LAMB4: variants seen among roughly 807,000 people sequenced by gnomAD.
LAMB4 encodes the protein laminin subunit beta 4.
LAMB4 carries 196 observed loss-of-function variants against 199.2 expected under a neutral mutation model. That is an observed-to-expected ratio of 0.98 (90% confidence interval 0.88 to 1.11). The LOEUF is 1.11. LAMB4 is among the 50% of genes least tolerant of loss of function. The probability of loss-of-function intolerance (pLI) is 0.00; values close to 1 mark genes in which losing one functional copy is unlikely to be tolerated. For missense variants in LAMB4, 2,080 were observed against 2,171.2 expected, an observed-to-expected ratio of 0.96 and a Z score of 0.83; for synonymous variants, 744 against 770.6, an observed-to-expected ratio of 0.97 and a Z score of 0.57.
intron 3 of LAMB4, among the ~76,000 whole-genome samples, chr7:108,113,044 A>T (rs895460308): frequency 6.6e-5 from 10 of 152,180 alleles, no homozygotes; most frequent in Non-Finnish European, 1.5e-4. Context: ...TCTTCCTCCC[A>T]GCTAGTCTTA....
At chr7:108,078,390 T>A in intron 15 of LAMB4, 74 bp from the exon 16 acceptor site, 1 of 915,082 alleles carries the variant, frequency 1.1e-6, no homozygotes, top group Non-Finnish European at 1.7e-6. Flanking sequence ...CACATATAGC[T>A]AATGGAAAGT....
chr7:108,018,146 G>C, the LAMB4 span, among the ~76,000 whole-genome samples: 2 of 152,244 alleles, frequency 1.3e-5, no homozygotes, highest in Non-Finnish European at 1.5e-5. Flanking sequence ...CACCTAAGGA[G>C]ATGTGTGCTT....
chr7:108,031,331 C>CAAAAA (rs60572529), intron 31 of LAMB4, among the ~76,000 whole-genome samples: 2 of 14,962 alleles, frequency 1.3e-4, no homozygotes, highest in Non-Finnish European at 2.4e-4. Flanking sequence ...TCAACAATAA[C>CAAAAA]AAAAAAAAAA....
chr7:108,013,358 T>C, the LAMB4 span, among the ~76,000 whole-genome samples: 2 of 152,198 alleles, frequency 1.3e-5, no homozygotes, highest in South Asian at 2.1e-4. Flanking sequence ...CCACAGCCAA[T>C]ACGCATTCGT....
At chr7:108,111,684 T>G (rs1000779628) in intron 4 of LAMB4, 127 bp downstream of exon 4, 2 of 759,432 alleles carry the variant, frequency 2.6e-6, no homozygotes, top group Non-Finnish European at 4.2e-6. Context: ...GGTCTCTACA[T>G]TCTTGGAGGA....
At chr7:108,037,664 C>A in intron 29 of LAMB4, 69 bp from the exon 30 acceptor site, 1 of 1,195,400 alleles carries the variant, frequency 8.4e-7, no homozygotes, top group Non-Finnish European at 1.2e-6. Flanking sequence ...AAAGTATAAC[C>A]ACAATGATGT....
intron 33 of LAMB4, among the ~76,000 whole-genome samples, chr7:108,028,785 G>T (rs888494911): frequency 6.6e-6 from 1 of 151,938 alleles, no homozygotes; most frequent in Admixed American, 6.6e-5. Flanking sequence ...CCAAAAAAGG[G>T]CATTTCAAGG....
chr7:108,123,347 G>A (rs113726317), intron 1 of LAMB4, 150 bp from the exon 2 acceptor site: 18 of 411,308 alleles, frequency 4.4e-5, no homozygotes, highest in Middle Eastern at 5.4e-4. Flanking sequence ...AAAAATAAGA[G>A]TGCATAAACA....
chr7:108,119,898 T>C (rs1041570837), intron 2 of LAMB4, among the ~76,000 whole-genome samples: 8 of 152,208 alleles, frequency 5.3e-5, no homozygotes, highest in African/African-American at 1.9e-4. Flanking sequence ...GGTCTCTCTC[T>C]GTGTTATTTC....
At chr7:108,032,282 C>T (rs1584589794) in intron 31 of LAMB4, among the ~76,000 whole-genome samples, 3 of 151,780 alleles carry the variant, frequency 2.0e-5, no homozygotes, top group Non-Finnish European at 2.9e-5. Flanking sequence ...CCCAGCTACT[C>T]GGGAGGCTGA....
rs781358424 is a variant in LAMB4 at position 108,127,858 on chromosome 7, G to A, written c.-34+2448C>T. Among the ~76,000 whole-genome samples, 89 of 152,310 alleles carry A rather than the reference G, an allele frequency of 5.8e-4. No homozygotes were observed. In the Middle Eastern group the frequency reaches 0.014, roughly 23 times the overall value. On this transcript the variant is annotated intron_variant, in intron 1 of 33. Coordinates refer to ENST00000388781, the MANE Select transcript of LAMB4 (RefSeq NM_007356.3). ...TACAGGACATTTGGCAATGTTTGCA[G>A]ACATTTTTGGCTGTCATAATGAGAG...
At chr7:108,107,157 G>A (rs1362674033) in intron 6 of LAMB4, among the ~76,000 whole-genome samples, 2 of 152,166 alleles carry the variant, frequency 1.3e-5, no homozygotes, top group Non-Finnish European at 2.9e-5. Flanking sequence ...GCTGTCTTCT[G>A]CCACTAATTC....
chr7:108,043,525 A>C lies in LAMB4; in HGVS notation c.4471+227T>G, dbSNP rs577445729. Among the ~76,000 whole-genome samples the C allele has an allele frequency of 2.9e-4, 40 of 139,176 alleles. 1 individual carries two copies. The highest frequency in any genetic ancestry group is 9.8e-4 in the African/African-American group (39 of 39,976). The allele number at this position is 139,176 out of a possible 152,430, so 91.3% of individuals were successfully genotyped here. A position where few individuals can be genotyped will look rare whatever the true frequency, so the allele number is the denominator to read the frequency against. On this transcript the variant is annotated intron_variant, in intron 29 of 33. Coordinates refer to ENST00000388781, the MANE Select transcript of LAMB4 (RefSeq NM_007356.3). ...TAGGCTTGTCATTTCCAATTAATAT[A>C]ATTTGGAACTGGCTATGATGTTTTT...
chr7:108,014,922 A>G, the LAMB4 span, among the ~76,000 whole-genome samples: 1 of 152,104 alleles, frequency 6.6e-6, no homozygotes, highest in South Asian at 2.1e-4. Context: ...GGTTTTCCCT[A>G]TGTTGGCCAG....
chr7:108,103,365 C>A (rs922485878), intron 9 of LAMB4, 133 bp from the exon 10 acceptor site: 69 of 657,138 alleles, frequency 1.1e-4, no homozygotes, highest in Non-Finnish European at 1.5e-4. Context: ...ATAGATGCAC[C>A]AAGCAAACAC....
chr7:108,025,874 C>T (rs188823207), intron 33 of LAMB4, among the ~76,000 whole-genome samples: 4 of 152,318 alleles, frequency 2.6e-5, no homozygotes, highest in East Asian at 1.9e-4. Flanking sequence ...TCGCCATCCT[C>T]GTCTGTGTTC....
chr7:108,049,537 T>A lies in LAMB4; in HGVS notation c.3917-6A>T, dbSNP rs1223823364. ...CTTGATGTTTTCTGAGGAGTCTACGTCAATGCAAATTGAAGTAAGGTAAAT... is the reference window on the plus strand; with the variant it reads ...CTTGATGTTTTCTGAGGAGTCTACGACAATGCAAATTGAAGTAAGGTAAAT... On this transcript the variant is annotated splice_region_variant and splice_polypyrimidine_tract_variant and intron_variant, in intron 26 of 33. Coordinates refer to ENST00000388781, the MANE Select transcript of LAMB4 (RefSeq NM_007356.3). 1 of 1,544,522 alleles carries A rather than the reference T, an allele frequency of 6.5e-7. No homozygotes were observed. The highest frequency in any genetic ancestry group is 1.4e-5 in the African/African-American group (1 of 72,420).
At chr7:108,076,623 G>A (rs1034174846) in intron 17 of LAMB4, among the ~76,000 whole-genome samples, 2 of 152,150 alleles carry the variant, frequency 1.3e-5, no homozygotes, top group Non-Finnish European at 2.9e-5. Context: ...AGCAGGCTGG[G>A]TGGCTCTGAT....
chr7:108,114,456 C>A (rs1222941153), intron 3 of LAMB4, among the ~76,000 whole-genome samples: 2 of 152,014 alleles, frequency 1.3e-5, no homozygotes, highest in Non-Finnish European at 2.9e-5. Flanking sequence ...GAGTTGAGAA[C>A]CAATTCTTTG....
Sources: gnomAD v4.1 joint callset for allele counts (sites outside exome capture counted in the v4.1 genomes callset) on GRCh38, gnomAD v4.1.1 for gene constraint, MANE v1.5 for transcripts, NCBI Gene and HGNC (gene_info 2026-07-23, HGNC 2026-07-21) for gene names.